The following MICU3 variants were observed in gnomAD, a reference collection of about 807,000 sequenced individuals.
MICU3 encodes calcium uptake protein 3, mitochondrial.
A neutral mutation model predicts 66.5 loss-of-function variants in MICU3; 62 were observed. That is an observed-to-expected ratio of 0.93 (90% confidence interval 0.76 to 1.15). MICU3 has a LOEUF of 1.15. Ranked by LOEUF, MICU3 falls within the 50% of genes most tolerant of loss-of-function variation. MICU3 has a pLI of 0.00. For synonymous variants in MICU3, 308 were observed against 240.7 expected (o/e 1.28, Z -2.59); for missense variants, 779 against 664.4 (o/e 1.17, Z -1.90).
At chr8:17,102,650 T>C (rs562133743) in intron 9 of MICU3, 14 of 152,102 alleles carry the variant, frequency 9.2e-5, no homozygotes, top group Admixed American at 1.3e-4. Flanking sequence ...CCCTCACTTA[T>C]GGAGCCCCAC....
At chr8:17,116,225 A>G (rs1317185310) in intron 12 of MICU3, among the ~76,000 whole-genome samples, 1 of 152,208 alleles carries the variant, frequency 6.6e-6, no homozygotes, top group African/African-American at 2.4e-5. Context: ...TCGAATGTGA[A>G]TGCATTATTA....
intron 1 of MICU3, among the ~76,000 whole-genome samples, chr8:17,034,781 CTA>C (rs1175418374): frequency 1.3e-5 from 2 of 152,210 alleles, no homozygotes. Context: ...GGACTTGCCT[CTA>C]TGAATGAGCA....
intron 1 of MICU3, among the ~76,000 whole-genome samples, chr8:17,047,328 G>T (rs1049501756): frequency 1.3e-5 from 2 of 152,106 alleles, no homozygotes; most frequent in Non-Finnish European, 2.9e-5. Context: ...ACACAGAAAT[G>T]AAGATATGTC....
chr8:17,075,636 G>C (rs1299020533), intron 3 of MICU3, among the ~76,000 whole-genome samples: 1 of 152,150 alleles, frequency 6.6e-6, no homozygotes, highest in Non-Finnish European at 1.5e-5. Context: ...CAAGATGAAT[G>C]TGTTGATTGG....
At chr8:17,060,763 G>A (rs1817709058) in intron 1 of MICU3, among the ~76,000 whole-genome samples, 2 of 151,518 alleles carry the variant, frequency 1.3e-5, no homozygotes, top group South Asian at 2.1e-4. Flanking sequence ...CAGGCCTCTG[G>A]TTATCTCTTT....
At chr8:17,131,827 C>G in the MICU3 span, 1 of 152,134 alleles carries the variant, frequency 6.6e-6, no homozygotes, top group African/African-American at 2.4e-5. Context: ...GGCTAGCTAG[C>G]AAAGGAGAAA....
At chr8:17,104,530 C>A in intron 10 of MICU3, 39 bp downstream of exon 10, 1 of 1,088,708 alleles carries the variant, frequency 9.2e-7, no homozygotes, top group Non-Finnish European at 1.3e-6. Context: ...AATTATTAGC[C>A]TACTGAAATC....
At chr8:17,128,079 G>A in the MICU3 span, among the ~76,000 whole-genome samples, 1 of 152,108 alleles carries the variant, frequency 6.6e-6, no homozygotes, top group East Asian at 1.9e-4. Context: ...GCTTTATGGA[G>A]AGGAGAGATT....
chr8:17,102,183 T>C (rs1229447727), intron 9 of MICU3, among the ~76,000 whole-genome samples: 1 of 151,802 alleles, frequency 6.6e-6, no homozygotes, highest in Non-Finnish European at 1.5e-5. Flanking sequence ...TGATCTACTC[T>C]TGTCTCCTTT....
chr8:17,087,668 T>C (rs1200988923), intron 7 of MICU3, among the ~76,000 whole-genome samples: 1 of 152,012 alleles, frequency 6.6e-6, no homozygotes, highest in African/African-American at 2.4e-5. Flanking sequence ...TTCCATACAT[T>C]TCTGATTTAA....
chr8:17,037,352 T>C (rs1813214396), intron 1 of MICU3, among the ~76,000 whole-genome samples: 1 of 152,186 alleles, frequency 6.6e-6, no homozygotes. Flanking sequence ...GCGAGGACTG[T>C]GAAGACTGCC....
chr8:17,076,016 T>G (rs1820338315), intron 3 of MICU3, among the ~76,000 whole-genome samples: 1 of 152,130 alleles, frequency 6.6e-6, no homozygotes, highest in African/African-American at 2.4e-5. Context: ...ATTCAGAATG[T>G]TGTTTTTTAA....
At chr8:17,125,172 C>T (rs1442552347), downstream of MICU3, among the ~76,000 whole-genome samples, 2 of 124,982 alleles carry the variant, frequency 1.6e-5, no homozygotes, top group Non-Finnish European at 3.4e-5. Flanking sequence ...TTCCACTGTT[C>T]ATGTCTTTGT....
chr8:17,046,524 T>C (rs959307387), intron 1 of MICU3, among the ~76,000 whole-genome samples: 4 of 152,284 alleles, frequency 2.6e-5, no homozygotes, highest in East Asian at 3.9e-4. Flanking sequence ...ACTGTACTTA[T>C]AAGAAATTGA....
chr8:17,027,385 C>G lies in MICU3; in HGVS notation c.106C>G (p.Leu36Val), dbSNP rs966272199. The G allele has an allele frequency of 2.6e-5, 38 of 1,454,870 alleles. No individual in the cohort carries two copies. The highest frequency in any genetic ancestry group is 3.4e-5 in the Non-Finnish European group (38 of 1,113,092). 90.1% of individuals were successfully genotyped at this position (1,454,870 alleles called of 1,614,324 possible). Residue 36 changes from leucine (L) to valine (V), a missense_variant, in exon 1 of 15, where the codon CTG becomes GTG. Physicochemically the swap from Leu to Val is conservative, Grantham distance 32 (BLOSUM62 1). Transcript: ENST00000318063. The stretch of plus-strand genomic sequence containing the variant: ...GTGGGGGCGGCCTGCGGTGACCACC[C>G]TGGGCCTTCCTGGCCGGCCCTTCTC... ...GPWGRPAVTT[L>V]GLPGRPFSSR...
At position 17,116,556 on chromosome 8, in the gene MICU3, G is replaced by T. The variant is rs747744646; in HGVS notation, c.1480G>T (p.Glu494Ter). The change falls in exon 13 of 15, where the codon GAA becomes TAA. Residue 494 changes from glutamate to a stop codon, truncating the protein, a stop_gained. Coordinates refer to ENST00000318063, the MANE Select transcript of MICU3 (RefSeq NM_181723.3). LOFTEE classifies it high-confidence loss of function. ...CAAAGATGATCAATTAAGTTATAAAGAATTTATTGGAATTATGAAAGACAG... is the reference window on the plus strand; with the variant it reads ...CAAAGATGATCAATTAAGTTATAAATAATTTATTGGAATTATGAAAGACAG... ...VDKDDQLSYK[E>*]FIGIMKDRLH... The T allele has an allele frequency of 7.0e-6, 11 of 1,562,606 alleles. No homozygotes were observed. Among genetic ancestry groups the T allele is most frequent in the Admixed American group, 2.2e-5 (1 of 45,790 alleles).
intron 1 of MICU3, among the ~76,000 whole-genome samples, chr8:17,059,178 G>T (rs12675579): frequency 0.15 from 22,112 of 152,056 alleles, 2,095 homozygotes; most frequent in East Asian, 0.38. Context: ...TTTGTTTGGG[G>T]ATTCCTATTT....
chr8:17,092,606 ACTC>A (rs1444021991), intron 8 of MICU3, among the ~76,000 whole-genome samples: 3 of 151,860 alleles, frequency 2.0e-5, no homozygotes, highest in Non-Finnish European at 4.4e-5. Context: ...GGATTTTTCA[ACTC>A]CTCTATGAGT....
Position 17,085,298 on chromosome 8 carries a change from G to C in MICU3, c.757G>C (p.Asp253His), listed in dbSNP as rs1208795403. The C allele has an allele frequency of 6.2e-7, 1 of 1,608,322 alleles. No homozygotes were observed. Among genetic ancestry groups the C allele is most frequent in the Non-Finnish European group, 8.5e-7 (1 of 1,176,020 alleles). The change falls in exon 6 of 15, where the codon GAT becomes CAT. Residue 253 changes from aspartate (D) to histidine (H), a missense_variant. Physicochemically the swap from Asp to His is moderately conservative, Grantham distance 81. Transcript: ENST00000318063. ...MFDTDGNEMVDKKEFLVLQEI... is the reference protein window; with the variant it reads ...MFDTDGNEMVHKKEFLVLQEI... ...TGACACTGATGGCAATGAGATGGTG[G>C]ATAAAAAAGAGTTTTTGGTGGTATG...
Sources: gnomAD v4.1 joint callset for allele counts (sites outside exome capture counted in the v4.1 genomes callset) on GRCh38, gnomAD v4.1.1 for gene constraint, MANE v1.5 for transcripts, NCBI Gene and HGNC (gene_info 2026-07-23, HGNC 2026-07-21) for gene names.